H2AC11: variants seen among roughly 807,000 people sequenced by gnomAD.
The protein encoded by H2AC11 is H2A clustered histone 11.
A neutral mutation model predicts 5.9 loss-of-function variants in H2AC11; 8 were observed. That is an observed-to-expected ratio of 1.35 (90% confidence interval 0.79 to 2.44). The LOEUF (loss-of-function observed/expected upper bound fraction) is 2.44, where lower values mean the gene tolerates loss of function less well. H2AC11 is among the 30% of genes most tolerant of loss of function. H2AC11 has a pLI of 0.00. For synonymous variants in H2AC11, 161 were observed against 81.9 expected, an observed-to-expected ratio of 1.96 and a Z score of -5.21; for missense variants, 189 against 178.6, an observed-to-expected ratio of 1.06 and a Z score of -0.33.
rs759645494 is a variant in H2AC11, at chr6:27,133,442, A to G, written c.371A>G (p.His124Arg). The G allele has an allele frequency of 9.3e-6, 15 of 1,614,022 alleles. No homozygotes were observed. Among genetic ancestry groups the G allele is most frequent in the African/African-American group, 4.0e-5 (3 of 74,950 alleles). ...AVLLPKKTES[H>R]HKAKGK Reference sequence around the variant, plus strand: ...CTACTGCCCAAAAAGACTGAGAGCCACCACAAGGCGAAGGGCAAGTAACTA... The same window carrying G: ...CTACTGCCCAAAAAGACTGAGAGCCGCCACAAGGCGAAGGGCAAGTAACTA... The change falls in exon 1 of 1, where the codon CAC becomes CGC. Residue 124 changes from histidine (H) to arginine (R), a missense_variant. Coordinates refer to ENST00000359193, the MANE Select transcript of H2AC11 (RefSeq NM_021064.5).
In H2AC11 at chr6:27,133,492, AG is replaced by A; in HGVS notation, c.*29del. ...ATCTGTACTAGTTTGTGGCAGCTCA[AG>A]TAAAATCGAGTCCAAACCAACGGCT... On this transcript the variant is annotated 3_prime_UTR_variant, in exon 1 of 1. Coordinates refer to ENST00000359193, the MANE Select transcript of H2AC11 (RefSeq NM_021064.5). The A allele has an allele frequency of 6.3e-7, 1 of 1,598,102 alleles. No homozygotes were observed. Among genetic ancestry groups the A allele is most frequent in the Non-Finnish European group, 8.6e-7 (1 of 1,169,218 alleles).
Position 27,133,479 on chromosome 6 carries a change from TTG to T in H2AC11, c.*18_*19del, listed in dbSNP as rs1290350916. ...AGGGCAAGTAACTATCTGTACTAGT[TTG>T]TGGCAGCTCAAGTAAAATCGAGTCC... On this transcript the variant is annotated 3_prime_UTR_variant, in exon 1 of 1. Transcript: ENST00000359193. 6.2e-7 allele frequency: 1 copy of T among 1,604,268 alleles called. No individual in the cohort carries two copies. Among genetic ancestry groups the T allele is most frequent in the Non-Finnish European group, 8.5e-7 (1 of 1,172,856 alleles).
chr6:27,133,229 C>T lies in H2AC11; in HGVS notation c.158C>T (p.Ala53Val). The T allele has an allele frequency of 6.2e-7, 1 of 1,614,194 alleles. No homozygotes were observed. The highest frequency in any genetic ancestry group is 8.5e-7 in the Non-Finnish European group (1 of 1,180,038). ...RVGAGAPVYL[A>V]AVLEYLTAEI... Reference sequence around the variant, plus strand: ...GGGGCCGGCGCGCCGGTGTATCTGGCAGCGGTGCTGGAGTACCTGACCGCC... The same window carrying T: ...GGGGCCGGCGCGCCGGTGTATCTGGTAGCGGTGCTGGAGTACCTGACCGCC... The change falls in exon 1 of 1, where the codon GCA becomes GTA. Residue 53 changes from alanine to valine, a missense_variant. Transcript: ENST00000359193.
Position 27,133,070 on chromosome 6 carries a change from C to G in H2AC11, c.-2C>G, listed in dbSNP as rs371817133. Reference sequence around the variant, plus strand: ...GGTTGCTCGTAGTGAGTTGCGCTCGCTATGTCTGGACGTGGCAAGCAGGGA... The same window carrying G: ...GGTTGCTCGTAGTGAGTTGCGCTCGGTATGTCTGGACGTGGCAAGCAGGGA... On this transcript the variant is annotated 5_prime_UTR_variant, in exon 1 of 1. Transcript: ENST00000359193. 6.2e-7 allele frequency: 1 copy of G among 1,607,072 alleles called. No homozygotes were observed. The highest frequency in any genetic ancestry group is 8.5e-7 in the Non-Finnish European group (1 of 1,175,906).
In H2AC11 at chr6:27,133,155, G is replaced by T; in HGVS notation, c.84G>T (p.Val28=). The T allele has an allele frequency of 6.2e-7, 1 of 1,614,084 alleles. No homozygotes were observed. Residue 28 remains valine, a synonymous_variant, in exon 1 of 1, where the codon GTG becomes GTT. Coordinates refer to ENST00000359193, the MANE Select transcript of H2AC11 (RefSeq NM_021064.5). ...CTAGGGCCGGTCTCCAGTTCCCCGT[G>T]GGCCGAGTGCACCGCCTGCTCCGCA... is the stretch of plus-strand genomic sequence containing the variant. ...RSSRAGLQFP[V]GRVHRLLRKG...
In H2AC11 at chr6:27,133,098, C is replaced by G. The variant is rs759759329; in HGVS notation, c.27C>G (p.Gly9=). 7 of 1,613,062 alleles carry G rather than the reference C, an allele frequency of 4.3e-6. 1 individual carries two copies. The highest frequency in any genetic ancestry group is 2.2e-5 in the South Asian group (2 of 90,990). The change falls in exon 1 of 1, where the codon GGC becomes GGG. Residue 9 remains glycine, a synonymous_variant. Coordinates refer to ENST00000359193, the MANE Select transcript of H2AC11 (RefSeq NM_021064.5). MSGRGKQG[G]KARAKAKTRS... ...TGTCTGGACGTGGCAAGCAGGGAGGCAAAGCCCGCGCTAAGGCCAAGACTC... is the reference window on the plus strand; with the variant it reads ...TGTCTGGACGTGGCAAGCAGGGAGGGAAAGCCCGCGCTAAGGCCAAGACTC...
At position 27,133,529 on chromosome 6, in the gene H2AC11, C is replaced by A; in HGVS notation, c.*65C>A. On this transcript the variant is annotated 3_prime_UTR_variant, in exon 1 of 1. Transcript: ENST00000359193. The stretch of plus-strand genomic sequence containing the variant: ...TCCAAACCAACGGCTCTTTTCAGGG[C>A]CACCCACGTCTTCTCTAAAAGAACT... 6.5e-7 allele frequency: 1 copy of A among 1,545,208 alleles called. No individual in the cohort carries two copies. The highest frequency in any genetic ancestry group is 8.8e-7 in the Non-Finnish European group (1 of 1,138,974).
Position 27,133,519 on chromosome 6 carries a change from CTT to C in H2AC11, c.*58_*59del. On this transcript the variant is annotated 3_prime_UTR_variant, in exon 1 of 1. Coordinates refer to ENST00000359193, the MANE Select transcript of H2AC11 (RefSeq NM_021064.5). ...TAAAATCGAGTCCAAACCAACGGCT[CTT>C]TTCAGGGCCACCCACGTCTTCTCTA... 2 of 1,571,574 alleles carry C rather than the reference CTT, an allele frequency of 1.3e-6. No homozygotes were observed. Among genetic ancestry groups the C allele is most frequent in the Non-Finnish European group, 1.7e-6 (2 of 1,155,604 alleles).
In H2AC11 at chr6:27,133,417, C is replaced by G. The variant is rs200143938; in HGVS notation, c.346C>G (p.Leu116Val). The change falls in exon 1 of 1, where the codon CTA (leucine) becomes GTA (valine). Residue 116 changes from leucine to valine, a missense_variant. Leu to Val is a conservative substitution (Grantham distance 32). Transcript: ENST00000359193. ...GGVLPNIQAV[L>V]LPKKTESHHK... Reference sequence around the variant, plus strand: ...TGTCCTGCCCAACATTCAGGCCGTGCTACTGCCCAAAAAGACTGAGAGCCA... The same window carrying G: ...TGTCCTGCCCAACATTCAGGCCGTGGTACTGCCCAAAAAGACTGAGAGCCA... 1 of 1,614,246 alleles carries G rather than the reference C, an allele frequency of 6.2e-7. No individual in the cohort carries two copies. The highest frequency in any genetic ancestry group is 8.5e-7 in the Non-Finnish European group (1 of 1,180,040).
Position 27,133,366 on chromosome 6 carries a change from G to C in H2AC11, c.295G>C (p.Gly99Arg), listed in dbSNP as rs1759885385. 6.2e-7 allele frequency: 1 copy of C among 1,614,218 alleles called. No individual in the cohort carries two copies. The highest frequency in any genetic ancestry group is 1.7e-5 in the Admixed American group (1 of 60,028). Residue 99 changes from glycine to arginine, a missense_variant, in exon 1 of 1, where the codon GGC (glycine) becomes CGC (arginine). Coordinates refer to ENST00000359193, the MANE Select transcript of H2AC11 (RefSeq NM_021064.5). Reference sequence around the variant, plus strand: ...CGACGAGGAGCTCAACAAGCTGCTGGGCAAAGTCACCATCGCACAGGGCGG... The same window carrying C: ...CGACGAGGAGCTCAACAAGCTGCTGCGCAAAGTCACCATCGCACAGGGCGG... ...RNDEELNKLL[G>R]KVTIAQGGVL...
rs1267059639 is a variant in H2AC11, at chr6:27,133,295, A to G, written c.224A>G (p.Lys75Arg). The change falls in exon 1 of 1, where the codon AAG becomes AGG. Residue 75 changes from lysine (K) to arginine (R), a missense_variant. Coordinates refer to ENST00000359193, the MANE Select transcript of H2AC11 (RefSeq NM_021064.5). ...GCGGGCAACGCGGCCCGCGACAACA[A>G]GAAGACCCGCATCATCCCGCGTCAT... ...ELAGNAARDN[K>R]KTRIIPRHLQ... 12 of 1,614,006 alleles carry G rather than the reference A, an allele frequency of 7.4e-6. No homozygotes were observed. The highest frequency in any genetic ancestry group is 2.2e-5 in the East Asian group (1 of 44,876).
At position 27,133,260 on chromosome 6, in the gene H2AC11, C is replaced by A. The variant is rs756874195; in HGVS notation, c.189C>A (p.Ile63=). ...TGCTGGAGTACCTGACCGCCGAGAT[C>A]CTGGAACTGGCGGGCAACGCGGCCC... ...AAVLEYLTAE[I]LELAGNAARD... Residue 63 remains isoleucine (I), a synonymous_variant, in exon 1 of 1, where the codon ATC becomes ATA. Coordinates refer to ENST00000359193, the MANE Select transcript of H2AC11 (RefSeq NM_021064.5). 2 of 1,614,092 alleles carry A rather than the reference C, an allele frequency of 1.2e-6. No homozygotes were observed. Among genetic ancestry groups the A allele is most frequent in the Non-Finnish European group, 1.7e-6 (2 of 1,180,054 alleles).
Position 27,133,474 on chromosome 6 carries a change from C to T in H2AC11, c.*10C>T, listed in dbSNP as rs145653853. On this transcript the variant is annotated 3_prime_UTR_variant, in exon 1 of 1. Coordinates refer to ENST00000359193, the MANE Select transcript of H2AC11 (RefSeq NM_021064.5). ...GGCGAAGGGCAAGTAACTATCTGTA[C>T]TAGTTTGTGGCAGCTCAAGTAAAAT... The T allele has an allele frequency of 9.6e-5, 154 of 1,608,774 alleles. No homozygotes were observed. The highest frequency in any genetic ancestry group is 1.2e-4 in the Non-Finnish European group (146 of 1,175,878).
At position 27,133,052 on chromosome 6, in the gene H2AC11, C is replaced by G. The variant is rs973265129; in HGVS notation, c.-20C>G. On this transcript the variant is annotated 5_prime_UTR_variant, in exon 1 of 1. Transcript: ENST00000359193. ...CTTTCCCGTTCACTTTGTGGTTGCT[C>G]GTAGTGAGTTGCGCTCGCTATGTCT... is the stretch of plus-strand genomic sequence containing the variant. The G allele has an allele frequency of 1.4e-5, 22 of 1,593,618 alleles. No homozygotes were observed. Among genetic ancestry groups the G allele is most frequent in the Non-Finnish European group, 1.9e-5 (22 of 1,169,670 alleles).
rs376867899 is a variant in H2AC11, at chr6:27,133,161, A to G, written c.90A>G (p.Arg30=). The G allele has an allele frequency of 6.2e-7, 1 of 1,613,932 alleles. No homozygotes were observed. The highest frequency in any genetic ancestry group is 8.5e-7 in the Non-Finnish European group (1 of 1,180,002). ...SRAGLQFPVG[R]VHRLLRKGNY... ...CCGGTCTCCAGTTCCCCGTGGGCCG[A>G]GTGCACCGCCTGCTCCGCAAAGGCA... Residue 30 remains arginine, a synonymous_variant, in exon 1 of 1, where the codon CGA becomes CGG. Transcript: ENST00000359193.
In H2AC11 at chr6:27,133,049, G is replaced by T. The variant is rs752434661; in HGVS notation, c.-23G>T. 4.4e-6 allele frequency: 7 copies of T among 1,586,114 alleles called. No homozygotes were observed. Among genetic ancestry groups the T allele is most frequent in the Middle Eastern group, 1.7e-4 (1 of 5,890 alleles). On this transcript the variant is annotated 5_prime_UTR_variant, in exon 1 of 1. Transcript: ENST00000359193. ...CGCCTTTCCCGTTCACTTTGTGGTT[G>T]CTCGTAGTGAGTTGCGCTCGCTATG...
chr6:27,133,102 G>T lies in H2AC11; in HGVS notation c.31G>T (p.Ala11Ser), dbSNP rs767488773. The T allele has an allele frequency of 1.1e-5, 17 of 1,613,424 alleles. No individual in the cohort carries two copies. Among genetic ancestry groups the T allele is most frequent in the East Asian group, 2.2e-5 (1 of 44,854 alleles). Residue 11 changes from alanine to serine, a missense_variant, in exon 1 of 1, where the codon GCC becomes TCC. Transcript: ENST00000359193. MSGRGKQGGKARAKAKTRSSR... is the reference protein window; with the variant it reads MSGRGKQGGKSRAKAKTRSSR... ...TGGACGTGGCAAGCAGGGAGGCAAAGCCCGCGCTAAGGCCAAGACTCGCTC... is the reference window on the plus strand; with the variant it reads ...TGGACGTGGCAAGCAGGGAGGCAAATCCCGCGCTAAGGCCAAGACTCGCTC...
Position 27,133,139 on chromosome 6 carries a change from G to C in H2AC11, c.68G>C (p.Gly23Ala). The change falls in exon 1 of 1, where the codon GGT becomes GCT. Residue 23 changes from glycine to alanine, a missense_variant. Gly to Ala is a moderately conservative substitution (Grantham distance 60). Transcript: ENST00000359193. ...GCCAAGACTCGCTCTTCTAGGGCCG[G>C]TCTCCAGTTCCCCGTGGGCCGAGTG... Reference protein sequence around the residue: ...AKAKTRSSRAGLQFPVGRVHR... With the variant: ...AKAKTRSSRAALQFPVGRVHR... 6.2e-7 allele frequency: 1 copy of C among 1,614,072 alleles called. No individual in the cohort carries two copies. Among genetic ancestry groups the C allele is most frequent in the Non-Finnish European group, 8.5e-7 (1 of 1,179,996 alleles).
rs772339062 is a variant in H2AC11, at chr6:27,133,288, GACA to G, written c.222_224del (p.Asn74del). ...GGAACTGGCGGGCAACGCGGCCCGC[GACA>G]ACAAGAAGACCCGCATCATCCCGCG... On this transcript the variant is annotated inframe_deletion, in exon 1 of 1. Transcript: ENST00000359193. 3.7e-6 allele frequency: 6 copies of G among 1,613,804 alleles called. No homozygotes were observed. Among genetic ancestry groups the G allele is most frequent in the Admixed American group, 1.7e-5 (1 of 59,978 alleles).
Sources: allele counts gnomAD v4.1 joint callset, GRCh38; gene constraint gnomAD v4.1.1; transcripts MANE v1.5; gene names NCBI Gene and HGNC (gene_info 2026-07-23, HGNC 2026-07-21).